The following PTN variants were observed in gnomAD, a reference collection of about 807,000 sequenced individuals.
PTN encodes heparin affin regulatory protein.
PTN carries 18 observed loss-of-function variants against 24.1 expected under a neutral mutation model. That is an observed-to-expected ratio of 0.75 (90% confidence interval 0.52 to 1.11). The LOEUF is 1.11. Among genes scored for constraint, PTN ranks in the 50% least tolerant of loss-of-function variants. The pLI is 0.00. For missense variants in PTN, 163 were observed against 198.8 expected, an observed-to-expected ratio of 0.82 and a Z score of 1.08; for synonymous variants, 78 against 68.6, an observed-to-expected ratio of 1.14 and a Z score of -0.67.
chr7:137,281,828 G>A (rs1166392010), intron 1 of PTN, among the ~76,000 whole-genome samples: 1 of 152,182 alleles, frequency 6.6e-6, no homozygotes, highest in Non-Finnish European at 1.5e-5. Flanking sequence ...CAATATGTAT[G>A]AAAGACTTTG....
chr7:137,268,362 C>G (rs1044914824), intron 1 of PTN, among the ~76,000 whole-genome samples: 1 of 151,674 alleles, frequency 6.6e-6, no homozygotes, highest in African/African-American at 2.4e-5. Flanking sequence ...TGTAGCAGGA[C>G]GAGCCGCGGA....
At chr7:137,339,139 G>A (rs1810493828) in intron 1 of PTN, among the ~76,000 whole-genome samples, 1 of 152,004 alleles carries the variant, frequency 6.6e-6, no homozygotes, top group African/African-American at 2.4e-5. Context: ...ATAAAATGTT[G>A]GGATTAGCAA....
intron 1 of PTN, among the ~76,000 whole-genome samples, chr7:137,338,967 G>A (rs1242020960): frequency 6.6e-6 from 1 of 152,032 alleles, no homozygotes; most frequent in Non-Finnish European, 1.5e-5. Context: ...CATTTGGAGA[G>A]GAGAGAGGAA....
chr7:137,229,376 C>T (rs1808390100), intron 4 of PTN, among the ~76,000 whole-genome samples: 1 of 151,752 alleles, frequency 6.6e-6, no homozygotes, highest in African/African-American at 2.4e-5. Flanking sequence ...GAGCATACAG[C>T]CTGTGTCCAA....
At chr7:137,314,036 ATTAT>A (rs1188754300) in intron 1 of PTN, among the ~76,000 whole-genome samples, 5 of 152,114 alleles carry the variant, frequency 3.3e-5, no homozygotes, top group African/African-American at 1.2e-4. Context: ...TATTTTATGT[ATTAT>A]TTATTATATT....
rs368824060 is a variant in PTN, at chr7:137,313,421, T to C, written c.-2+30018A>G. The stretch of plus-strand genomic sequence containing the variant: ...ACAGGCACGGTGTGTGGCATCTGGC[T>C]TGCAAGTGAGGACTGCGGCTCTGCA... On this transcript the variant is annotated intron_variant, in intron 1 of 4. Transcript: ENST00000348225. 2.6e-5 allele frequency among the ~76,000 whole-genome samples: 4 copies of C among 152,190 alleles called. No individual in the cohort carries two copies. In the East Asian group the frequency reaches 5.8e-4, roughly 22 times the overall value.
chr7:137,253,547 C>A lies in PTN; in HGVS notation c.206G>T (p.Gly69Val). The A allele has an allele frequency of 1.2e-6, 2 of 1,612,454 alleles. No individual in the cohort carries two copies. The highest frequency in any genetic ancestry group is 2.2e-5 in the East Asian group (1 of 44,858). ...SGDCGLGTRE[G>V]TRTGAECKQT... The stretch of plus-strand genomic sequence containing the variant: ...CTTGCACTCAGCTCCAGTCCGAGTG[C>A]CCTCCCGTGTGCCCAGCCCACAGTC... The change falls in exon 3 of 5, where the codon GGC becomes GTC. Residue 69 changes from glycine (G) to valine (V), a missense_variant. Transcript: ENST00000348225.
chr7:137,286,878 G>A lies in PTN; in HGVS notation c.-1-31904C>T, dbSNP rs181762330. ...AGCCCCCAACTGCTATGATTCTATC[G>A]TGCTCAATTCTACAAAATCACTGTG... On this transcript the variant is annotated intron_variant, in intron 1 of 4. Transcript: ENST00000348225. 2.8e-3 allele frequency among the ~76,000 whole-genome samples: 426 copies of A among 152,176 alleles called. 2 individuals are homozygous for A. The highest frequency in any genetic ancestry group is 9.6e-3 in the African/African-American group (398 of 41,528).
rs869311084 is a variant in PTN, at chr7:137,269,624, A to ATTTTTTTTTTTTTTTTTTT, written c.-1-14669_-1-14651dup. Among the ~76,000 whole-genome samples the ATTTTTTTTTTTTTTTTTTT allele has an allele frequency of 3.2e-5, 2 of 63,028 alleles. 1 individual carries two copies. The highest frequency in any genetic ancestry group is 1.5e-4 in the African/African-American group (2 of 13,410). The allele number at this position is 63,028 out of a possible 152,430, so 41.3% of individuals were successfully genotyped here. ...TGCTATCTGTCAAGCTGCTTCATCT[A>ATTTTTTTTTTTTTTTTTTT]TTTTTTTTTTTTTTTTTTTTTTTTT... On this transcript the variant is annotated intron_variant, in intron 1 of 4. Coordinates refer to ENST00000348225, the MANE Select transcript of PTN (RefSeq NM_002825.7).
At chr7:137,249,675 G>A (rs769972045) in intron 4 of PTN, among the ~76,000 whole-genome samples, 1 of 152,140 alleles carries the variant, frequency 6.6e-6, no homozygotes, top group Non-Finnish European at 1.5e-5. Context: ...TTGGTAGATA[G>A]GGCACTGATT....
intron 1 of PTN, chr7:137,324,922 G>A (rs775807305): frequency 6.6e-6 from 1 of 152,180 alleles, no homozygotes; most frequent in Non-Finnish European, 1.5e-5. Flanking sequence ...AGCCAAAACA[G>A]AGTATGAATT....
chr7:137,272,084 G>A (rs958492706), intron 1 of PTN, among the ~76,000 whole-genome samples: 1 of 152,144 alleles, frequency 6.6e-6, no homozygotes, highest in African/African-American at 2.4e-5. Flanking sequence ...AACACTGACT[G>A]TTCCTTGGGT....
Position 137,331,223 on chromosome 7 carries a change from T to C in PTN, c.-2+12216A>G, listed in dbSNP as rs527398220. On this transcript the variant is annotated intron_variant, in intron 1 of 4. Transcript: ENST00000348225. ...GTGGATCTGTCTGTTTAGAGAGAAA[T>C]TGGTAGAAATCCACATCTACCCCCT... 3.3e-5 allele frequency among the ~76,000 whole-genome samples: 5 copies of C among 152,278 alleles called. No homozygotes were observed. The South Asian group carries it at 6.2e-4, about 19-fold the overall frequency.
chr7:137,286,932 G>A (rs1809564938), intron 1 of PTN, among the ~76,000 whole-genome samples: 1 of 152,120 alleles, frequency 6.6e-6, no homozygotes, highest in Admixed American at 6.6e-5. Context: ...TTGTTAATTT[G>A]CAGTTAATAG....
chr7:137,339,727 G>C (rs1810505607), intron 1 of PTN, among the ~76,000 whole-genome samples: 1 of 152,142 alleles, frequency 6.6e-6, no homozygotes, highest in South Asian at 2.1e-4. Flanking sequence ...TGCCATCATA[G>C]CAAGAGGGAA....
At position 137,227,815 on chromosome 7, in the gene PTN, A is replaced by G; in HGVS notation, c.*205T>C. 1 of 409,824 alleles carries G rather than the reference A, an allele frequency of 2.4e-6. No individual in the cohort carries two copies. The allele number at this position is 409,824 out of a possible 1,614,324, so 25.4% of individuals were successfully genotyped here. On this transcript the variant is annotated 3_prime_UTR_variant, in exon 5 of 5. Transcript: ENST00000348225. ...ATAAGTCAACTTCCTAAATAAGATT[A>G]CAGTCCTTTATTATAAGCCCCTACT...
At chr7:137,265,534 C>T (rs1454628488) in intron 1 of PTN, among the ~76,000 whole-genome samples, 1 of 152,232 alleles carries the variant, frequency 6.6e-6, no homozygotes, top group African/African-American at 2.4e-5. Flanking sequence ...ACGAAGTGAA[C>T]TTAGTGTTGG....
chr7:137,278,986 TA>T (rs1388699641), intron 1 of PTN, among the ~76,000 whole-genome samples: 1 of 111,920 alleles, frequency 8.9e-6, no homozygotes, highest in East Asian at 2.5e-4. Flanking sequence ...AATAATAAAA[TA>T]AAGAAACGGA....
intron 1 of PTN, among the ~76,000 whole-genome samples, chr7:137,298,646 A>C (rs2128878191): frequency 6.6e-6 from 1 of 152,040 alleles, no homozygotes; most frequent in Non-Finnish European, 1.5e-5. Flanking sequence ...GTTGCCTATA[A>C]TTATTGTAAA....
Sources: gnomAD v4.1 joint callset for allele counts (sites outside exome capture counted in the v4.1 genomes callset) on GRCh38, gnomAD v4.1.1 for gene constraint, MANE v1.5 for transcripts, NCBI Gene and HGNC (gene_info 2026-07-23, HGNC 2026-07-21) for gene names.